The following STAG1 variants were observed in gnomAD, a reference collection of about 807,000 sequenced individuals.
The protein encoded by STAG1 is cohesin subunit SA-1.
A neutral mutation model predicts 170.9 loss-of-function variants in STAG1; 26 were observed. That is an observed-to-expected ratio of 0.15 (90% CI 0.11 to 0.21). The LOEUF (loss-of-function observed/expected upper bound fraction) is 0.21, where lower values mean the gene tolerates loss of function less well. STAG1 is among the 10% of genes least tolerant of loss of function. The pLI is 1.00. For missense variants in STAG1, 964 were observed against 1,509.5 expected, an observed-to-expected ratio of 0.64 and a Z score of 5.99; for synonymous variants, 514 against 497.7, an observed-to-expected ratio of 1.03 and a Z score of -0.44.
At chr3:136,340,678 A>T in intron 31 of STAG1, 73 bp from the exon 32 acceptor site, 1 of 978,028 alleles carries the variant, frequency 1.0e-6, no homozygotes, top group Non-Finnish European at 1.7e-6. Flanking sequence ...TTCTCAGATT[A>T]AAGTTATTCT....
intron 4 of STAG1, 61 bp from the exon 5 acceptor site, chr3:136,568,922 T>C (rs913522432): frequency 1.2e-5 from 16 of 1,288,626 alleles, no homozygotes; most frequent in African/African-American, 1.5e-5. Context: ...AGCAAATAAA[T>C]TTTCAAAAAA....
chr3:136,519,252 T>C (rs946372085), intron 7 of STAG1, among the ~76,000 whole-genome samples: 10 of 152,132 alleles, frequency 6.6e-5, no homozygotes, highest in African/African-American at 2.4e-4. Context: ...ACAATTAACC[T>C]TTTAAACAGA....
At chr3:136,347,395 C>CAAAAAA (rs34533734) in intron 29 of STAG1, among the ~76,000 whole-genome samples, 3 of 78,724 alleles carry the variant, frequency 3.8e-5, no homozygotes, top group African/African-American at 1.0e-4. Context: ...GATCCTGTCT[C>CAAAAAA]AAAAAAAAAA....
chr3:136,568,683 T>C lies in STAG1; in HGVS notation c.394+82A>G. On this transcript the variant is annotated intron_variant, in intron 5 of 33. Transcript: ENST00000383202. ...ATCTTTAATTTTAGGGTAAATTATA[T>C]ACGACTAGTGGCAGGTGAAGTAAAA... 4 of 891,010 alleles carry C rather than the reference T, an allele frequency of 4.5e-6. No individual in the cohort carries two copies. In the South Asian group the frequency reaches 5.7e-5, roughly 13 times the overall value. The allele number at this position is 891,010 out of a possible 1,614,324, so 55.2% of individuals were successfully genotyped here.
At chr3:136,556,266 T>G (rs1936611923) in intron 5 of STAG1, among the ~76,000 whole-genome samples, 1 of 152,184 alleles carries the variant, frequency 6.6e-6, no homozygotes, top group Non-Finnish European at 1.5e-5. Flanking sequence ...GCAGAGGGGA[T>G]GAATATATGC....
At chr3:136,615,173 G>C (rs1483280487) in intron 3 of STAG1, among the ~76,000 whole-genome samples, 1 of 151,756 alleles carries the variant, frequency 6.6e-6, no homozygotes, top group Non-Finnish European at 1.5e-5. Flanking sequence ...GTAGAATTTA[G>C]AAAACAAGGG....
At chr3:136,600,855 GTTGT>G (rs746817575) in intron 4 of STAG1, among the ~76,000 whole-genome samples, 125 of 128,228 alleles carry the variant, frequency 9.7e-4, no homozygotes, top group African/African-American at 1.6e-3. Context: ...TTTTCTTGTT[GTTGT>G]TTGTTTGTTT....
At chr3:136,630,545 G>A (rs1198201111) in intron 2 of STAG1, among the ~76,000 whole-genome samples, 1 of 152,222 alleles carries the variant, frequency 6.6e-6, no homozygotes, top group Non-Finnish European at 1.5e-5. Context: ...GTAAAGGAAT[G>A]AGTATGGCTC....
At chr3:136,633,715 G>T (rs1163652785) in intron 1 of STAG1, among the ~76,000 whole-genome samples, 2 of 138,112 alleles carry the variant, frequency 1.4e-5, no homozygotes, top group Non-Finnish European at 3.1e-5. Context: ...AAAAAAGGGG[G>T]GGGGGGGGGT....
At chr3:136,600,321 T>C (rs1938608022) in intron 4 of STAG1, among the ~76,000 whole-genome samples, 1 of 152,178 alleles carries the variant, frequency 6.6e-6, no homozygotes, top group African/African-American at 2.4e-5. Flanking sequence ...GAGACTCACA[T>C]TAGGCCTTGG....
At chr3:136,497,229 A>T (rs1933156522) in intron 9 of STAG1, among the ~76,000 whole-genome samples, 1 of 152,216 alleles carries the variant, frequency 6.6e-6, no homozygotes, top group Non-Finnish European at 1.5e-5. Flanking sequence ...ACTGTAACTC[A>T]ATCTACAAGG....
chr3:136,593,898 T>A (rs1354152792), intron 4 of STAG1, among the ~76,000 whole-genome samples: 2 of 152,226 alleles, frequency 1.3e-5, no homozygotes, highest in African/African-American at 4.8e-5. Flanking sequence ...TGTCTTTCAA[T>A]GTGTTCTCCC....
intron 4 of STAG1, among the ~76,000 whole-genome samples, chr3:136,575,986 C>T (rs1937442207): frequency 6.6e-6 from 1 of 152,196 alleles, no homozygotes; most frequent in Non-Finnish European, 1.5e-5. Context: ...AACTGCCCCT[C>T]TGCCTACTAA....
At chr3:136,588,422 C>T (rs1228858078) in intron 4 of STAG1, among the ~76,000 whole-genome samples, 2 of 152,152 alleles carry the variant, frequency 1.3e-5, no homozygotes, top group African/African-American at 4.8e-5. Flanking sequence ...CTCACTGCAA[C>T]TTCCACCTCC....
chr3:136,357,901 A>G (rs865855190), intron 27 of STAG1, 53 bp from the exon 28 acceptor site: 1 of 1,404,008 alleles, frequency 7.1e-7, no homozygotes, highest in Middle Eastern at 1.8e-4. Flanking sequence ...AATTCTCTCA[A>G]TTAGCTAACA....
chr3:136,538,600 G>A (rs1162237251), intron 6 of STAG1, among the ~76,000 whole-genome samples: 1 of 151,922 alleles, frequency 6.6e-6, no homozygotes, highest in Non-Finnish European at 1.5e-5. Flanking sequence ...TGTATTTTTA[G>A]TAGAGACAGG....
chr3:136,456,515 C>T (rs527356611), intron 13 of STAG1, among the ~76,000 whole-genome samples: 8 of 152,156 alleles, frequency 5.3e-5, no homozygotes, highest in Admixed American at 1.3e-4. Flanking sequence ...TTATGGGACA[C>T]GTTCAAGCAA....
At chr3:136,559,432 T>C (rs944623958) in intron 5 of STAG1, among the ~76,000 whole-genome samples, 2 of 152,098 alleles carry the variant, frequency 1.3e-5, no homozygotes, top group Admixed American at 6.5e-5. Context: ...ATCTAGCCAA[T>C]TACAATTGTA....
At chr3:136,662,191 G>C (rs909004559) in intron 1 of STAG1, among the ~76,000 whole-genome samples, 2 of 144,306 alleles carry the variant, frequency 1.4e-5, no homozygotes, top group Non-Finnish European at 3.0e-5. Flanking sequence ...TTGCTCTTTC[G>C]CCCAGGCTCA....
Sources: allele counts gnomAD v4.1 joint callset (sites outside exome capture counted in the v4.1 genomes callset), GRCh38; gene constraint gnomAD v4.1.1; transcripts MANE v1.5; gene names NCBI Gene and HGNC (gene_info 2026-07-23, HGNC 2026-07-21).